Variants in MORC2 observed in about 807,000 individuals in gnomAD.
MORC2 encodes the protein ATPase MORC2.
A neutral mutation model predicts 136.0 loss-of-function variants in MORC2; 30 were observed. The observed-to-expected ratio is 0.22, with a 90% confidence interval of 0.17 to 0.30. The LOEUF (loss-of-function observed/expected upper bound fraction) is 0.30. Ranked by LOEUF, MORC2 falls within the 10% of genes least tolerant of loss-of-function variation. MORC2 has a pLI of 1.00. For synonymous variants in MORC2, 439 were observed against 487.0 expected, an observed-to-expected ratio of 0.90 and a Z score of 1.30; for missense variants, 922 against 1,333.1, an observed-to-expected ratio of 0.69 and a Z score of 4.80.
chr22:30,957,081 G>A (rs2040977286), intron 2 of MORC2, among the ~76,000 whole-genome samples: 1 of 152,024 alleles, frequency 6.6e-6, no homozygotes, highest in African/African-American at 2.4e-5. Flanking sequence ...AACATCTATA[G>A]GATAAGCAAG....
chr22:30,967,985 G>C lies in MORC2; in HGVS notation c.-96C>G. The C allele has an allele frequency of 9.2e-7, 1 of 1,092,482 alleles. No homozygotes were observed. Among genetic ancestry groups the C allele is most frequent in the African/African-American group, 1.6e-5 (1 of 63,918 alleles). 67.7% of individuals were successfully genotyped at this position (1,092,482 alleles called of 1,614,324 possible). On this transcript the variant is annotated 5_prime_UTR_variant, in exon 1 of 26. Coordinates refer to ENST00000397641, the MANE Select transcript of MORC2 (RefSeq NM_001303256.3). ...CAGGATTCTGTCCAGTAAAGCTTCAGTAAGTCTGTGCTCCTTAATGACAGT... is the reference window on the plus strand; with the variant it reads ...CAGGATTCTGTCCAGTAAAGCTTCACTAAGTCTGTGCTCCTTAATGACAGT...
intron 3 of MORC2, among the ~76,000 whole-genome samples, chr22:30,952,629 G>C (rs746301951): frequency 2.0e-5 from 3 of 152,230 alleles, no homozygotes; most frequent in Non-Finnish European, 4.4e-5. Flanking sequence ...CTGCCTCAGG[G>C]CCAAGAAAGA....
chr22:30,942,925 A>C (rs2040761875), intron 6 of MORC2, among the ~76,000 whole-genome samples: 1 of 152,114 alleles, frequency 6.6e-6, no homozygotes, highest in Non-Finnish European at 1.5e-5. Context: ...GAATTGCTTG[A>C]ATCTGGGAGG....
chr22:30,944,909 A>G (rs560661855), intron 6 of MORC2, among the ~76,000 whole-genome samples: 1 of 152,274 alleles, frequency 6.6e-6, no homozygotes, highest in South Asian at 2.1e-4. Context: ...TTTCCAACCC[A>G]ATCACCACAC....
intron 3 of MORC2, 66 bp from the exon 4 acceptor site, chr22:30,950,511 C>T: frequency 1.4e-6 from 2 of 1,457,202 alleles, no homozygotes; most frequent in Non-Finnish European, 1.9e-6. Context: ...TGCCTATGAT[C>T]AGAAGGCAGA....
chr22:30,937,358 G>C lies in MORC2; in HGVS notation c.1498+225C>G, dbSNP rs1238191901. ...TGAGCCTGGCCTGGCTGCAGCTGGA[G>C]AGGCCTGGGAGGACAGATGACCTTC... On this transcript the variant is annotated intron_variant, in intron 15 of 25. Transcript: ENST00000397641. This position sits in a 1 kb window ranked among gnomAD's most constrained non-coding sequence, Gnocchi z 4.7. Among the ~76,000 whole-genome samples, 1 of 152,144 alleles carries C rather than the reference G, an allele frequency of 6.6e-6. No homozygotes were observed. The highest frequency in any genetic ancestry group is 2.4e-5 in the African/African-American group (1 of 41,426).
rs139337365 is a variant in MORC2 at position 30,925,732 on chromosome 22, C to A, written c.*1071G>T. The stretch of plus-strand genomic sequence containing the variant: ...TAAAGAGAAAATTCAGCAACGCTTG[C>A]CTTTGTCTTTGACCCTGAGAAGTTA... On this transcript the variant is annotated 3_prime_UTR_variant, in exon 26 of 26. Transcript: ENST00000397641. The A allele has an allele frequency of 1.9e-4, 29 of 153,792 alleles. No homozygotes were observed. The highest frequency in any genetic ancestry group is 7.2e-4 in the Admixed American group (11 of 15,294). The allele number at this position is 153,792 out of a possible 1,614,324, so 9.5% of individuals were successfully genotyped here. A position where few individuals can be genotyped will look rare whatever the true frequency, so the allele number is the denominator to read the frequency against.
chr22:30,950,337 G>GCGGGGCCCCCCC, intron 4 of MORC2, 40 bp downstream of exon 4: 1 of 761,740 alleles, frequency 1.3e-6, no homozygotes, highest in East Asian at 2.5e-5. Context: ...TGGTTACATC[G>GCGGGGCCCCCCC]CACCCCCCCA....
At position 30,939,716 on chromosome 22, in the gene MORC2, T is replaced by C. The variant is rs370880177; in HGVS notation, c.988-10A>G. On this transcript the variant is annotated splice_polypyrimidine_tract_variant and intron_variant, in intron 11 of 25. Coordinates refer to ENST00000397641, the MANE Select transcript of MORC2 (RefSeq NM_001303256.3). ...CCTGTCGCAACATCACCTGCACACA[T>C]TGACATCAGGTGAGGGGAGGTGGCA... is the stretch of plus-strand genomic sequence containing the variant. 64 of 1,612,910 alleles carry C rather than the reference T, an allele frequency of 4.0e-5. 1 individual carries two copies. Among genetic ancestry groups the C allele is most frequent in the African/African-American group, 9.3e-5 (7 of 74,986 alleles).
chr22:30,939,752 C>G lies in MORC2; in HGVS notation c.988-46G>C, dbSNP rs376688837. On this transcript the variant is annotated intron_variant, in intron 11 of 25. Transcript: ENST00000397641. ...TGAGGGGAGGTGGCACTCTAGGCCA[C>G]AGCAGGGAATATTGAAACATTACAT... 1.7e-4 allele frequency: 265 copies of G among 1,567,980 alleles called. 1 individual carries two copies. The highest frequency in any genetic ancestry group is 6.7e-4 in the Middle Eastern group (4 of 5,974).
Position 30,956,814 on chromosome 22 carries a change from A to G in MORC2, c.123-17T>C. 6.5e-7 allele frequency: 1 copy of G among 1,537,588 alleles called. No homozygotes were observed. Among genetic ancestry groups the G allele is most frequent in the Non-Finnish European group, 8.8e-7 (1 of 1,136,062 alleles). On this transcript the variant is annotated splice_polypyrimidine_tract_variant and intron_variant, in intron 2 of 25. Coordinates refer to ENST00000397641, the MANE Select transcript of MORC2 (RefSeq NM_001303256.3). The stretch of plus-strand genomic sequence containing the variant: ...TCAGCATCTCTGCAAAGTGAAAAGA[A>G]AAGAATCATGTGAATTAATATGAAA...
intron 1 of MORC2, among the ~76,000 whole-genome samples, chr22:30,962,819 T>A (rs553856500): frequency 3.3e-5 from 5 of 152,194 alleles, no homozygotes; most frequent in Non-Finnish European, 4.4e-5. Context: ...TGATTAAAGA[T>A]AGATCTTCCA....
intron 10 of MORC2, 97 bp from the exon 11 acceptor site, chr22:30,940,138 C>T (rs936240459): frequency 2.4e-5 from 30 of 1,227,014 alleles, no homozygotes; most frequent in African/African-American, 1.9e-4. Flanking sequence ...GTGTGTACAC[C>T]ACCAAGGAAA....
chr22:30,950,339 A>AGCCCC, intron 4 of MORC2, 38 bp downstream of exon 4: 1 of 539,984 alleles, frequency 1.9e-6, no homozygotes, highest in Admixed American at 2.9e-5. Context: ...GTTACATCGC[A>AGCCCC]CCCCCCCACC....
intron 6 of MORC2, among the ~76,000 whole-genome samples, 164 bp downstream of exon 6, chr22:30,946,177 C>T (rs896108010): frequency 2.0e-5 from 3 of 152,172 alleles, no homozygotes; most frequent in Non-Finnish European, 4.4e-5. Context: ...CTACCTTAAC[C>T]CCTCAACCAA....
intron 1 of MORC2, 199 bp downstream of exon 1, chr22:30,967,623 C>A (rs1602521962): frequency 1.5e-6 from 2 of 1,363,002 alleles, no homozygotes; most frequent in South Asian, 1.8e-5. Context: ...AAACAAAAAT[C>A]AGATTCTTCT....
intron 1 of MORC2, 46 bp downstream of exon 1, chr22:30,967,760 TTTCCATATAATATCAA>T: frequency 6.5e-7 from 1 of 1,545,174 alleles, no homozygotes; most frequent in African/African-American, 1.4e-5. Flanking sequence ...GGGGAAACGA[TTTCCATATAATATCAA>T]GGAACGAGTT....
intron 6 of MORC2, among the ~76,000 whole-genome samples, chr22:30,945,863 T>C (rs1352466607): frequency 6.6e-6 from 1 of 152,214 alleles, no homozygotes; most frequent in African/African-American, 2.4e-5. Context: ...CCAGGCTCTC[T>C]CTAGGTATCT....
chr22:30,933,106 G>T, intron 21 of MORC2, 76 bp from the exon 22 acceptor site: 1 of 1,585,404 alleles, frequency 6.3e-7, no homozygotes, highest in Admixed American at 1.7e-5. Context: ...CATCGAGAAA[G>T]GCAGTCCCCA....
Sources: allele counts gnomAD v4.1 joint callset (sites outside exome capture counted in the v4.1 genomes callset), GRCh38; gene constraint gnomAD v4.1.1; non-coding constraint Gnocchi (gnomAD v3.1); transcripts MANE v1.5; gene names NCBI Gene and HGNC (gene_info 2026-07-23, HGNC 2026-07-21).